ASAP1: variants seen among roughly 807,000 people sequenced by gnomAD.
ASAP1 encodes the protein arf-GAP with SH3 domain, ANK repeat and PH domain-containing protein 1.
In ASAP1, 43 loss-of-function variants were observed where a neutral mutation model predicts 145.2. The observed-to-expected ratio is 0.30, with a 90% confidence interval of 0.23 to 0.38. The LOEUF (loss-of-function observed/expected upper bound fraction) is 0.38. Among genes scored for constraint, ASAP1 ranks in the 10% least tolerant of loss-of-function variants. ASAP1 has a pLI of 1.00. For synonymous variants in ASAP1, 546 were observed against 515.5 expected (o/e 1.06, Z -0.80); for missense variants, 1,018 against 1,355.3 (o/e 0.75, Z 3.91).
chr8:130,180,676 TA>T (rs1814292726), intron 8 of ASAP1, 74 bp downstream of exon 8: 2 of 1,507,720 alleles, frequency 1.3e-6, no homozygotes, highest in Non-Finnish European at 1.8e-6. Flanking sequence ...CCTTTAAGCA[TA>T]AAGACTGCTG....
At chr8:130,202,946 G>C (rs1456340092) in intron 5 of ASAP1, among the ~76,000 whole-genome samples, 2 of 152,112 alleles carry the variant, frequency 1.3e-5, no homozygotes, top group African/African-American at 4.8e-5. Context: ...ATTTCTTCAT[G>C]TTTAACCCTA....
chr8:130,076,562 C>T (rs1249531601), intron 26 of ASAP1, among the ~76,000 whole-genome samples, 156 bp from the exon 27 acceptor site: 2 of 152,068 alleles, frequency 1.3e-5, no homozygotes, highest in Non-Finnish European at 2.9e-5. Context: ...CCCTCTGTTG[C>T]CCAGGCTGGA....
At chr8:130,306,080 C>T (rs1263364623) in intron 3 of ASAP1, among the ~76,000 whole-genome samples, 1 of 152,176 alleles carries the variant, frequency 6.6e-6, no homozygotes, top group Non-Finnish European at 1.5e-5. Flanking sequence ...TATTCAGCCA[C>T]CAACTATGAG....
Position 130,104,309 on chromosome 8 carries a change from A to G in ASAP1, c.2401+7785T>C, listed in dbSNP as rs2097533536. On this transcript the variant is annotated intron_variant, in intron 24 of 29. Coordinates refer to ENST00000518721, the MANE Select transcript of ASAP1 (RefSeq NM_018482.4). The stretch of plus-strand genomic sequence containing the variant: ...AGAAATCAATGTACTTTATGTTCTT[A>G]GTTCCCAAAATTTAGCCTGAATCTT... Among the ~76,000 whole-genome samples the G allele has an allele frequency of 2.6e-5, 4 of 152,368 alleles. No individual in the cohort carries two copies. In the South Asian group the frequency reaches 8.3e-4, roughly 32 times the overall value.
At chr8:130,130,654 T>A (rs1302808887) in intron 15 of ASAP1, among the ~76,000 whole-genome samples, 1 of 152,238 alleles carries the variant, frequency 6.6e-6, no homozygotes, top group Non-Finnish European at 1.5e-5. Context: ...GGCACTGTGC[T>A]AAGGGCTTTA....
intron 27 of ASAP1, among the ~76,000 whole-genome samples, chr8:130,067,256 C>A (rs1217324929): frequency 6.6e-6 from 1 of 152,094 alleles, no homozygotes; most frequent in South Asian, 2.1e-4. Flanking sequence ...TGTTGGGTGA[C>A]CCATACTAGA....
chr8:130,256,752 T>TATATATATCC (rs1819559350), intron 3 of ASAP1, among the ~76,000 whole-genome samples: 1 of 41,890 alleles, frequency 2.4e-5, no homozygotes, highest in African/African-American at 8.4e-5. Context: ...TATATATATA[T>TATATATATCC]ATATATATAT....
At chr8:130,431,472 T>C (rs562979087) in intron 1 of ASAP1, among the ~76,000 whole-genome samples, 37 of 152,296 alleles carry the variant, frequency 2.4e-4, no homozygotes, top group South Asian at 1.9e-3. Flanking sequence ...TACTGTGCTA[T>C]TGGTACCATT....
chr8:130,295,901 A>C (rs1822243619), intron 3 of ASAP1, among the ~76,000 whole-genome samples: 1 of 152,224 alleles, frequency 6.6e-6, no homozygotes, highest in Non-Finnish European at 1.5e-5. Context: ...CGCTATATTA[A>C]AAAGGAAACA....
At chr8:130,131,437 C>G (rs1014134112) in intron 15 of ASAP1, among the ~76,000 whole-genome samples, 2 of 151,756 alleles carry the variant, frequency 1.3e-5, no homozygotes, top group African/African-American at 2.4e-5. Flanking sequence ...CTACAGCACT[C>G]AAAACAAAGT....
intron 3 of ASAP1, among the ~76,000 whole-genome samples, chr8:130,300,184 A>AGAGAGAGAGAGAGAGAGAGAGAGAGAGC (rs761456724): frequency 7.1e-6 from 1 of 140,288 alleles, no homozygotes; most frequent in Non-Finnish European, 1.5e-5. Context: ...AGAGAGAGAG[A>AGAGAGAGAGAGAGAGAGAGAGAGAGAGC]GAGCGAGCGA....
In ASAP1 at chr8:130,054,602, C is replaced by A. The variant is rs11781272; in HGVS notation, c.*129G>T. Reference sequence around the variant, plus strand: ...ATATTTACAACACACATTATATCCCCCTCCTGAGGTGGCCCTTCCATGAGT... The same window carrying A: ...ATATTTACAACACACATTATATCCCACTCCTGAGGTGGCCCTTCCATGAGT... On this transcript the variant is annotated 3_prime_UTR_variant, in exon 30 of 30. Transcript: ENST00000518721. The A allele has an allele frequency of 1.3e-6, 1 of 745,010 alleles. No homozygotes were observed. The highest frequency in any genetic ancestry group is 2.0e-5 in the Admixed American group (1 of 49,210). 46.1% of individuals were successfully genotyped at this position (745,010 alleles called of 1,614,324 possible). A position where few individuals can be genotyped will look rare whatever the true frequency, so the allele number is the denominator to read the frequency against.
chr8:130,088,195 A>C (rs2097497899), intron 25 of ASAP1, among the ~76,000 whole-genome samples: 1 of 152,134 alleles, frequency 6.6e-6, no homozygotes, highest in African/African-American at 2.4e-5. Context: ...CAATGGTGCA[A>C]TCTCGGCTCA....
At chr8:130,289,005 T>C (rs903469075) in intron 3 of ASAP1, among the ~76,000 whole-genome samples, 1 of 152,124 alleles carries the variant, frequency 6.6e-6, no homozygotes, top group African/African-American at 2.4e-5. Context: ...GCTAACACAG[T>C]GAAACCTTGT....
At chr8:130,293,572 G>C (rs1822074798) in intron 3 of ASAP1, among the ~76,000 whole-genome samples, 1 of 152,282 alleles carries the variant, frequency 6.6e-6, no homozygotes, top group South Asian at 2.1e-4. Flanking sequence ...AGGGCCAAAA[G>C]TAGTAAGTAA....
chr8:130,145,774 C>A (rs2097627711), intron 13 of ASAP1, among the ~76,000 whole-genome samples: 1 of 151,968 alleles, frequency 6.6e-6, no homozygotes, highest in African/African-American at 2.4e-5. Context: ...AAATAAGGCA[C>A]CAAAAGGTTA....
chr8:130,415,867 A>G (rs1413045262), intron 1 of ASAP1, among the ~76,000 whole-genome samples: 1 of 151,950 alleles, frequency 6.6e-6, no homozygotes, highest in Non-Finnish European at 1.5e-5. Context: ...ATTACATTTC[A>G]GCCAACCCTG....
At chr8:130,174,569 C>A (rs965999456) in intron 9 of ASAP1, among the ~76,000 whole-genome samples, 1 of 152,196 alleles carries the variant, frequency 6.6e-6, no homozygotes, top group Non-Finnish European at 1.5e-5. Context: ...ACCAACCATG[C>A]AACTAGGTTC....
At chr8:130,412,656 T>G (rs1294651809) in intron 1 of ASAP1, among the ~76,000 whole-genome samples, 1 of 151,756 alleles carries the variant, frequency 6.6e-6, no homozygotes. Context: ...TTTCTTTTCT[T>G]CTTTTTTTTT....
Sources: allele counts gnomAD v4.1 joint callset (sites outside exome capture counted in the v4.1 genomes callset), GRCh38; gene constraint gnomAD v4.1.1; transcripts MANE v1.5; gene names NCBI Gene and HGNC (gene_info 2026-07-23, HGNC 2026-07-21).